Variants in FANCM observed in about 807,000 individuals in gnomAD.
FANCM encodes Fanconi anemia group M protein.
Under a neutral mutation model 199.5 loss-of-function variants are expected in FANCM, and 140 were observed. The observed-to-expected ratio is 0.70, with a 90% CI of 0.61 to 0.81. The LOEUF is 0.81. Among genes scored for constraint, FANCM ranks in the 30% least tolerant of loss-of-function variants. The pLI is 0.00. For synonymous variants in FANCM, 840 were observed against 836.8 expected (o/e 1.00, Z -0.07); for missense variants, 2,410 against 2,421.4 (o/e 1.00, Z 0.10).
At chr14:45,188,281 A>G (rs78542953) in intron 19 of FANCM, among the ~76,000 whole-genome samples, 1 of 152,126 alleles carries the variant, frequency 6.6e-6, no homozygotes, top group Admixed American at 6.5e-5. Flanking sequence ...AGAGGTTGCA[A>G]TGAGCCAAGA....
intron 20 of FANCM, among the ~76,000 whole-genome samples, chr14:45,190,337 T>C (rs1889686493): frequency 6.6e-6 from 1 of 152,224 alleles, no homozygotes; most frequent in Non-Finnish European, 1.5e-5. Flanking sequence ...TTTTTAGAAT[T>C]GACAATTGTA....
intron 12 of FANCM, 57 bp from the exon 13 acceptor site, chr14:45,172,998 T>C: frequency 7.6e-7 from 1 of 1,324,122 alleles, no homozygotes; most frequent in South Asian, 1.2e-5. Context: ...TTTTTAAAAT[T>C]AGTTTGTGAA....
At chr14:45,162,089 TAAGACTGCAGGA>T in intron 9 of FANCM, among the ~76,000 whole-genome samples, 1 of 152,210 alleles carries the variant, frequency 6.6e-6, no homozygotes, top group African/African-American at 2.4e-5. Context: ...CTAAGATGGA[TAAGACTGCAGGA>T]AAGGCCAGGT....
chr14:45,199,067 G>A, intron 22 of FANCM, 132 bp downstream of exon 22: 1 of 693,954 alleles, frequency 1.4e-6, no homozygotes, highest in Non-Finnish European at 2.4e-6. Context: ...AACATTTTTT[G>A]CCTGCCAACA....
At chr14:45,156,242 G>T (rs1210117544) in intron 8 of FANCM, among the ~76,000 whole-genome samples, 1 of 152,180 alleles carries the variant, frequency 6.6e-6, no homozygotes, top group Non-Finnish European at 1.5e-5. Flanking sequence ...TGGCAGTAGG[G>T]TGCTTGGTGT....
chr14:45,176,233 C>T lies in FANCM; in HGVS notation c.3479C>T (p.Pro1160Leu). 6.2e-7 allele frequency: 1 copy of T among 1,614,020 alleles called. No homozygotes were observed. Among genetic ancestry groups the T allele is most frequent in the Middle Eastern group, 1.7e-4 (1 of 6,060 alleles). ...SPLNSKSESL[P>L]VSDKTAISET... ...TTGAACAGTAAAAGCGAATCTTTAC[C>T]TGTGTCAGACAAAACTGCTATTAGT... The change falls in exon 14 of 23, where the codon CCT becomes CTT. Residue 1160 changes from proline (P) to leucine (L), a missense_variant. Transcript: ENST00000267430.
chr14:45,191,432 C>G (rs1177465948), intron 20 of FANCM, among the ~76,000 whole-genome samples: 3 of 152,188 alleles, frequency 2.0e-5, no homozygotes, highest in Non-Finnish European at 4.4e-5. Context: ...CTGGGTGCCT[C>G]CACACTGCCC....
intron 9 of FANCM, among the ~76,000 whole-genome samples, chr14:45,160,211 C>T (rs1887496275): frequency 1.3e-5 from 2 of 151,448 alleles, no homozygotes; most frequent in Non-Finnish European, 2.9e-5. Flanking sequence ...CCAGGGTGGT[C>T]TCAAACTTCT....
Position 45,176,705 on chromosome 14 carries a change from TGAA to T in FANCM, c.3955_3957del (p.Glu1319del), listed in dbSNP as rs1888729665. 6.2e-7 allele frequency: 1 copy of T among 1,613,514 alleles called. No homozygotes were observed. The highest frequency in any genetic ancestry group is 1.3e-5 in the African/African-American group (1 of 74,884). ...ATTTGCCACTGAGTGCAGCAAAAAA[TGAA>T]GAATTGTTATCTCCTGGTTATTCTC... is the stretch of plus-strand genomic sequence containing the variant. On this transcript the variant is annotated inframe_deletion, in exon 14 of 23. Coordinates refer to ENST00000267430, the MANE Select transcript of FANCM (RefSeq NM_020937.4).
At chr14:45,155,053 T>C (rs1887083635) in intron 7 of FANCM, among the ~76,000 whole-genome samples, 1 of 152,196 alleles carries the variant, frequency 6.6e-6, no homozygotes, top group African/African-American at 2.4e-5. Flanking sequence ...ACTTTAAACA[T>C]ATAACAGATG....
chr14:45,145,236 T>C (rs1005703995), intron 3 of FANCM, among the ~76,000 whole-genome samples: 1 of 151,452 alleles, frequency 6.6e-6, no homozygotes, highest in Non-Finnish European at 1.5e-5. Context: ...CCCTCTTTTT[T>C]CCTCAAGCAG....
intron 2 of FANCM, among the ~76,000 whole-genome samples, chr14:45,139,134 A>G (rs1399674097): frequency 6.6e-6 from 1 of 152,208 alleles, no homozygotes; most frequent in Non-Finnish European, 1.5e-5. Flanking sequence ...TCCTTCTATT[A>G]TATGTAAGGA....
intron 10 of FANCM, 82 bp from the exon 11 acceptor site, chr14:45,166,868 T>A: frequency 1.2e-6 from 1 of 830,296 alleles, no homozygotes; most frequent in East Asian, 2.7e-5. Context: ...TTACAATAAA[T>A]CCAAACTAAT....
chr14:45,186,235 T>G (rs553185722), intron 18 of FANCM, among the ~76,000 whole-genome samples: 1 of 152,294 alleles, frequency 6.6e-6, no homozygotes, highest in South Asian at 2.1e-4. Flanking sequence ...GAGGCCTCAT[T>G]GAGAAGGTGA....
At chr14:45,166,848 A>T in intron 10 of FANCM, 102 bp from the exon 11 acceptor site, 1 of 739,642 alleles carries the variant, frequency 1.4e-6, no homozygotes, top group Non-Finnish European at 2.3e-6. Context: ...ATCGGGGTTT[A>T]ATTTTATGTT....
intron 20 of FANCM, 89 bp from the exon 21 acceptor site, chr14:45,196,083 C>A (rs773464018): frequency 1.4e-4 from 196 of 1,361,690 alleles, no homozygotes; most frequent in Non-Finnish European, 2.0e-4. Context: ...TGGACATTCT[C>A]ATTAAGGATA....
Position 45,146,428 on chromosome 14 carries a change from A to G in FANCM, c.760-2409A>G, listed in dbSNP as rs190540901. Among the ~76,000 whole-genome samples, 547 of 152,000 alleles carry G rather than the reference A, an allele frequency of 3.6e-3. 5 individuals are homozygous for G. The highest frequency in any genetic ancestry group is 0.013 in the African/African-American group (529 of 41,436). On this transcript the variant is annotated intron_variant, in intron 3 of 22. Transcript: ENST00000267430. ...ATTATCTGTATTTCCATCTTGCTCC[A>G]TGCTTCCAATGATAGCTTTTAACTC...
chr14:45,179,784 A>G (rs368901917), intron 14 of FANCM, among the ~76,000 whole-genome samples: 50 of 150,774 alleles, frequency 3.3e-4, no homozygotes, highest in African/African-American at 8.8e-4. Context: ...CTGGTCTCGG[A>G]CTCCTGACCA....
intron 3 of FANCM, among the ~76,000 whole-genome samples, chr14:45,147,580 C>G (rs1886497298): frequency 6.6e-6 from 1 of 152,090 alleles, no homozygotes; most frequent in Non-Finnish European, 1.5e-5. Context: ...TGAGCTGCTG[C>G]CCGGCCTAAA....
Sources: allele counts gnomAD v4.1 joint callset (sites outside exome capture counted in the v4.1 genomes callset), GRCh38; gene constraint gnomAD v4.1.1; transcripts MANE v1.5; gene names NCBI Gene and HGNC (gene_info 2026-07-23, HGNC 2026-07-21).